The following RGS6 variants were observed in gnomAD, a reference collection of about 807,000 sequenced individuals.
The protein encoded by RGS6 is regulator of G-protein signaling 6.
RGS6 carries 30 observed loss-of-function variants against 78.5 expected under a neutral mutation model. The ratio of observed to expected loss-of-function variants is 0.38; its 90% CI spans 0.29 to 0.52. RGS6 has a LOEUF of 0.52. Ranked by LOEUF, RGS6 falls within the 20% of genes least tolerant of loss-of-function variation. The pLI is 0.85. For synonymous variants in RGS6, 206 were observed against 206.0 expected (o/e 1.00, Z 0.00); for missense variants, 495 against 609.7 (o/e 0.81, Z 1.98).
At chr14:71,882,312 A>G in the RGS6 span, among the ~76,000 whole-genome samples, 2 of 152,108 alleles carry the variant, frequency 1.3e-5, no homozygotes, top group Admixed American at 1.3e-4. Context: ...ATTCCATTGT[A>G]TGTGTATATG....
the RGS6 span, among the ~76,000 whole-genome samples, chr14:71,897,925 A>T: frequency 6.6e-6 from 1 of 151,978 alleles, no homozygotes; most frequent in Admixed American, 6.5e-5. Flanking sequence ...CCAGGAGCTT[A>T]GAGTACAATA....
rs111637347 is a variant in RGS6 at position 72,292,735 on chromosome 14, A to G, written c.85-59360A>G. 6.0e-3 allele frequency among the ~76,000 whole-genome samples: 910 copies of G among 152,306 alleles called. 5 individuals are homozygous for G. Among genetic ancestry groups the G allele is most frequent in the Non-Finnish European group, 9.8e-3 (664 of 68,028 alleles). On this transcript the variant is annotated intron_variant, in intron 2 of 17. Transcript: ENST00000553525. ...CTGATGTATAGTTTCTTAAGAGCATAAAAAGTGGACCAGTGCATCCCCTGG... is the reference window on the plus strand; with the variant it reads ...CTGATGTATAGTTTCTTAAGAGCATGAAAAGTGGACCAGTGCATCCCCTGG...
chr14:72,122,222 A>G (rs2153572226), intron 2 of RGS6, among the ~76,000 whole-genome samples: 1 of 152,238 alleles, frequency 6.6e-6, no homozygotes, highest in East Asian at 1.9e-4. Flanking sequence ...AAGCTCTGAG[A>G]TGAGGTGTAT....
At chr14:72,001,403 C>T (rs1443213492) in intron 2 of RGS6, among the ~76,000 whole-genome samples, 1 of 151,264 alleles carries the variant, frequency 6.6e-6, no homozygotes, top group Non-Finnish European at 1.5e-5. Flanking sequence ...CTAGAAAAAA[C>T]GTTATGCCCA....
intron 2 of RGS6, among the ~76,000 whole-genome samples, chr14:72,238,796 C>G (rs1010675850): frequency 1.3e-5 from 2 of 152,174 alleles, no homozygotes; most frequent in Admixed American, 6.5e-5. Context: ...CAACCTGATT[C>G]TGCAACACAT....
At chr14:72,540,520 C>T in intron 17 of RGS6, 1 of 1,566,788 alleles carries the variant, frequency 6.4e-7, no homozygotes. Context: ...AAATTTCCCT[C>T]TGTGAACCCT....
intron 2 of RGS6, among the ~76,000 whole-genome samples, chr14:71,994,147 A>ACTTTC (rs900400329): frequency 5.9e-5 from 9 of 152,184 alleles, no homozygotes; most frequent in South Asian, 2.1e-4. Flanking sequence ...CACAGTTTGT[A>ACTTTC]CTTTCCTTTC....
the RGS6 span, among the ~76,000 whole-genome samples, chr14:72,605,578 G>A: frequency 5.9e-5 from 9 of 152,228 alleles, no homozygotes; most frequent in African/African-American, 2.2e-4. Context: ...GGCTTACGAC[G>A]CAGATGTGAC....
downstream of RGS6, among the ~76,000 whole-genome samples, chr14:72,570,673 G>A (rs1051631812): frequency 6.6e-6 from 1 of 152,170 alleles, no homozygotes; most frequent in African/African-American, 2.4e-5. Flanking sequence ...TGTAAACACA[G>A]TGCTGGAACA....
intron 15 of RGS6, among the ~76,000 whole-genome samples, chr14:72,522,070 G>A (rs1463697318): frequency 6.6e-6 from 1 of 152,268 alleles, no homozygotes; most frequent in Middle Eastern, 3.4e-3. Flanking sequence ...TGCTCAGGCT[G>A]CTACCACAAA....
At chr14:72,232,258 C>T (rs1247019821) in intron 2 of RGS6, among the ~76,000 whole-genome samples, 2 of 152,098 alleles carry the variant, frequency 1.3e-5, no homozygotes, top group African/African-American at 4.8e-5. Flanking sequence ...AAGATGGAGA[C>T]AGGATGGGTG....
the RGS6 span, among the ~76,000 whole-genome samples, chr14:72,575,722 A>G: frequency 6.6e-6 from 1 of 152,264 alleles, no homozygotes; most frequent in Non-Finnish European, 1.5e-5. Flanking sequence ...GAGTTTGCAG[A>G]TTACTCTGAT....
At chr14:72,627,855 A>G in the RGS6 span, among the ~76,000 whole-genome samples, 1 of 152,050 alleles carries the variant, frequency 6.6e-6, no homozygotes, top group African/African-American at 2.4e-5. Flanking sequence ...TAGGTTTTGC[A>G]CATTTGTTGT....
intron 14 of RGS6, chr14:72,515,628 T>G (rs2096932422): frequency 1.3e-5 from 2 of 152,318 alleles, no homozygotes; most frequent in East Asian, 1.9e-4. Context: ...ATGTAGCCAC[T>G]GCACTCCAGT....
chr14:71,936,262 A>T (rs2089343533), intron 1 of RGS6, among the ~76,000 whole-genome samples: 1 of 151,872 alleles, frequency 6.6e-6, no homozygotes, highest in Non-Finnish European at 1.5e-5. Context: ...GTTTGAGGGC[A>T]GGAAGCATCC....
At chr14:72,141,737 G>T (rs555710723) in intron 2 of RGS6, among the ~76,000 whole-genome samples, 1 of 152,156 alleles carries the variant, frequency 6.6e-6, no homozygotes, top group African/African-American at 2.4e-5. Context: ...CCCCAGCTGA[G>T]TTCCTCCAGG....
intron 2 of RGS6, among the ~76,000 whole-genome samples, chr14:71,976,331 T>C (rs1289788939): frequency 2.0e-5 from 3 of 151,542 alleles, no homozygotes; most frequent in African/African-American, 4.8e-5. Flanking sequence ...TACATATGTA[T>C]ACATGTGCCA....
In RGS6 at chr14:72,078,638, G is replaced by A. The variant is rs113877518; in HGVS notation, c.84+113763G>A. Among the ~76,000 whole-genome samples, 103 of 152,128 alleles carry A rather than the reference G, an allele frequency of 6.8e-4. 1 individual carries two copies. Among genetic ancestry groups the A allele is most frequent in the South Asian group, 2.1e-3 (10 of 4,820 alleles). On this transcript the variant is annotated intron_variant, in intron 2 of 17. Transcript: ENST00000553525. ...ACTATACGTTAGCCAGGCTGGTCTC[G>A]AATTCCTGACCTCAGGTGATCCACC...
intron 2 of RGS6, among the ~76,000 whole-genome samples, chr14:72,114,533 TAA>T (rs1000254094): frequency 1.3e-5 from 2 of 152,180 alleles, no homozygotes; most frequent in African/African-American, 4.8e-5. Context: ...GCAAAATGGA[TAA>T]GAGACCAAAC....
Sources: gnomAD v4.1 joint callset for allele counts (sites outside exome capture counted in the v4.1 genomes callset) on GRCh38, gnomAD v4.1.1 for gene constraint, MANE v1.5 for transcripts, NCBI Gene and HGNC (gene_info 2026-07-23, HGNC 2026-07-21) for gene names.